SGCZ: variants seen among roughly 807,000 people sequenced by gnomAD.
The protein encoded by SGCZ is zeta-sarcoglycan.
SGCZ carries 40 observed loss-of-function variants against 41.3 expected under a neutral mutation model. The observed-to-expected ratio is 0.97, with a 90% CI of 0.75 to 1.26. SGCZ has a LOEUF of 1.26. Among genes scored for constraint, SGCZ ranks in the 50% most tolerant of loss-of-function variants. The probability of loss-of-function intolerance (pLI) is 0.00; values close to 1 mark genes in which losing one functional copy is unlikely to be tolerated. For synonymous variants in SGCZ, 206 were observed against 137.5 expected, an observed-to-expected ratio of 1.50 and a Z score of -3.49; for missense variants, 552 against 369.8, an observed-to-expected ratio of 1.49 and a Z score of -4.04.
chr8:15,036,828 G>C (rs375770293), intron 1 of SGCZ, among the ~76,000 whole-genome samples: 6 of 152,078 alleles, frequency 3.9e-5, no homozygotes, highest in African/African-American at 1.4e-4. Flanking sequence ...ATTAACATAG[G>C]TGCAAAAGTC....
chr8:14,525,165 T>C (rs938321180), intron 2 of SGCZ, among the ~76,000 whole-genome samples: 2 of 111,104 alleles, frequency 1.8e-5, no homozygotes, highest in Non-Finnish European at 3.3e-5. Flanking sequence ...GATAGATAGA[T>C]AGATAGATAG....
At chr8:14,962,585 T>C (rs1351654908) in intron 1 of SGCZ, among the ~76,000 whole-genome samples, 2 of 152,186 alleles carry the variant, frequency 1.3e-5, no homozygotes, top group Admixed American at 1.3e-4. Flanking sequence ...ATAAACATAT[T>C]TTCTGATATG....
chr8:14,821,281 A>T (rs1185341346), intron 1 of SGCZ, among the ~76,000 whole-genome samples: 5 of 151,958 alleles, frequency 3.3e-5, no homozygotes, highest in African/African-American at 1.2e-4. Flanking sequence ...GGAAATAGAA[A>T]AACTGAACAG....
At chr8:14,961,694 C>T (rs1800971592) in intron 1 of SGCZ, among the ~76,000 whole-genome samples, 1 of 151,986 alleles carries the variant, frequency 6.6e-6, no homozygotes, top group South Asian at 2.1e-4. Context: ...GAATGTATTC[C>T]TGATGGATAA....
chr8:14,783,021 A>G (rs937986141), intron 1 of SGCZ, among the ~76,000 whole-genome samples: 3 of 152,176 alleles, frequency 2.0e-5, no homozygotes, highest in Admixed American at 2.0e-4. Context: ...ATTTACTTGG[A>G]GTTGTATTAT....
chr8:14,699,171 G>A (rs1025257637), intron 1 of SGCZ, among the ~76,000 whole-genome samples: 1 of 150,208 alleles, frequency 6.7e-6, no homozygotes, highest in African/African-American at 2.4e-5. Flanking sequence ...ATATAAATAT[G>A]TATATACACA....
At chr8:14,117,926 T>TTTTTTTTTTTTTTTTTTTTTTTTTGA (rs1554460699) in intron 5 of SGCZ, among the ~76,000 whole-genome samples, 1 of 150,126 alleles carries the variant, frequency 6.7e-6, no homozygotes, top group Non-Finnish European at 1.5e-5. Flanking sequence ...ATCCTTTTTA[T>TTTTTTTTTTTTTTTTTTTTTTTTTGA]GGTTGCTTAG....
At chr8:14,751,385 A>T (rs1187236828) in intron 1 of SGCZ, among the ~76,000 whole-genome samples, 2 of 152,158 alleles carry the variant, frequency 1.3e-5, no homozygotes, top group Non-Finnish European at 2.9e-5. Flanking sequence ...AGTAGGATCT[A>T]GAGTATTTAT....
intron 1 of SGCZ, among the ~76,000 whole-genome samples, chr8:14,702,020 C>T (rs1809154078): frequency 6.6e-6 from 1 of 151,974 alleles, no homozygotes. Flanking sequence ...CGCACTGGCA[C>T]TGTCTCCACC....
chr8:14,266,599 C>T (rs771426428), intron 3 of SGCZ, among the ~76,000 whole-genome samples: 19 of 151,950 alleles, frequency 1.3e-4, no homozygotes, highest in Non-Finnish European at 2.2e-4. Context: ...TTCTAGACAA[C>T]ATGTCACATA....
At chr8:14,933,696 C>G (rs1042978101) in intron 1 of SGCZ, among the ~76,000 whole-genome samples, 2 of 151,960 alleles carry the variant, frequency 1.3e-5, no homozygotes, top group Non-Finnish European at 2.9e-5. Context: ...TCGTGATCTG[C>G]CCGCCTTGGC....
Position 14,619,154 on chromosome 8 carries a change from G to A in SGCZ, c.40-64228C>T, listed in dbSNP as rs140389667. On this transcript the variant is annotated intron_variant, in intron 1 of 7. Coordinates refer to ENST00000382080, the MANE Select transcript of SGCZ (RefSeq NM_139167.4). ...GTTCAACATATGCAAATCAATAAAC[G>A]TAATCCAGCATATAAACAGAATCAA... is the stretch of plus-strand genomic sequence containing the variant. Among the ~76,000 whole-genome samples, 1,351 of 152,166 alleles carry A rather than the reference G, an allele frequency of 8.9e-3. 18 individuals carry two copies. Among genetic ancestry groups the A allele is most frequent in the African/African-American group, 0.031 (1,276 of 41,502 alleles).
rs562880336 is a variant in SGCZ at position 14,727,197 on chromosome 8, A to T, written c.40-172271T>A. 2.0e-5 allele frequency among the ~76,000 whole-genome samples: 3 copies of T among 152,264 alleles called. No homozygotes were observed. In the South Asian group the frequency reaches 6.2e-4, roughly 32 times the overall value. ...AAACACTTCACCAAAGAAGACATATAAATAGTCAATAATCTCAGGAAAAGA... is the reference window on the plus strand; with the variant it reads ...AAACACTTCACCAAAGAAGACATATTAATAGTCAATAATCTCAGGAAAAGA... On this transcript the variant is annotated intron_variant, in intron 1 of 7. Transcript: ENST00000382080.
chr8:14,797,073 G>A (rs1330400699), intron 1 of SGCZ, among the ~76,000 whole-genome samples: 1 of 152,058 alleles, frequency 6.6e-6, no homozygotes, highest in Non-Finnish European at 1.5e-5. Flanking sequence ...AGACTAATAT[G>A]GTAAATTGGT....
chr8:14,956,915 C>T lies in SGCZ; in HGVS notation c.39+280670G>A, dbSNP rs187447971. On this transcript the variant is annotated intron_variant, in intron 1 of 7. Coordinates refer to ENST00000382080, the MANE Select transcript of SGCZ (RefSeq NM_139167.4). ...GGAACTGGCAGTCCTTTTTAATTGA[C>T]AGCATATTTTTTCTCAAACAAACTT... Among the ~76,000 whole-genome samples, 794 of 152,118 alleles carry T rather than the reference C, an allele frequency of 5.2e-3. 11 individuals carry two copies. Among genetic ancestry groups the T allele is most frequent in the African/African-American group, 0.018 (737 of 41,516 alleles).
At chr8:14,208,098 T>G (rs1805678061) in intron 4 of SGCZ, among the ~76,000 whole-genome samples, 1 of 152,220 alleles carries the variant, frequency 6.6e-6, no homozygotes, top group South Asian at 2.1e-4. Context: ...CTATACTCAA[T>G]GTACTTCCTA....
intron 1 of SGCZ, among the ~76,000 whole-genome samples, chr8:15,047,177 T>G (rs923801075): frequency 9.2e-5 from 14 of 152,048 alleles, no homozygotes; most frequent in African/African-American, 3.4e-4. Context: ...AGTAATGGAC[T>G]AAAAATATTA....
At chr8:14,554,650 T>G in intron 2 of SGCZ, 82 bp downstream of exon 2, 1 of 1,155,420 alleles carries the variant, frequency 8.7e-7, no homozygotes, top group Non-Finnish European at 1.2e-6. Context: ...TATGAATAAC[T>G]TTTGATTAAA....
At chr8:15,133,747 G>C (rs1352180365) in intron 1 of SGCZ, among the ~76,000 whole-genome samples, 1 of 152,146 alleles carries the variant, frequency 6.6e-6, no homozygotes, top group African/African-American at 2.4e-5. Context: ...AAGATAATAA[G>C]AGTAGACCAT....
Sources: gnomAD v4.1 joint callset for allele counts (sites outside exome capture counted in the v4.1 genomes callset) on GRCh38, gnomAD v4.1.1 for gene constraint, MANE v1.5 for transcripts, NCBI Gene and HGNC (gene_info 2026-07-23, HGNC 2026-07-21) for gene names.